Variants in GAMT observed in about 807,000 individuals in gnomAD.
GAMT encodes epididymis secretory protein Li 20.
In GAMT, 26 loss-of-function variants were observed where a neutral mutation model predicts 26.9. The observed-to-expected ratio is 0.97, with a 90% CI of 0.71 to 1.34. The LOEUF is 1.34. Ranked by LOEUF, GAMT falls within the 40% of genes most tolerant of loss-of-function variation. The pLI, the probability that GAMT is intolerant of heterozygous loss-of-function variation, is 0.00. For synonymous variants in GAMT, 169 were observed against 149.6 expected (o/e 1.13, Z -0.95); for missense variants, 412 against 345.0 (o/e 1.19, Z -1.54).
chr19:1,399,567 C>T lies in GAMT; in HGVS notation c.348G>A (p.Leu116=), dbSNP rs117884619. The T allele has an allele frequency of 1.3e-3, 2,107 of 1,613,158 alleles. 44 individuals are homozygous for T. The East Asian group carries it at 0.038, about 29-fold the overall frequency. Residue 116 remains leucine (L), a synonymous_variant, in exon 3 of 6, where the codon CTG becomes CTA. Transcript: ENST00000252288. The surrounding 1 kb of genome is among the most constrained non-coding windows in gnomAD (Gnocchi z 6.2). The part of the protein sequence containing the change: ...QTHKVIPLKG[L]WEDVAPTLPD... ...GCAGGGTGGGTGCCACATCCTCCCA[C>T]AGGCCTTTCAAGGGGATGACCTTGC...
chr19:1,399,223 T>C lies in GAMT; in HGVS notation c.392-28A>G. On this transcript the variant is annotated intron_variant, in intron 3 of 5. Coordinates refer to ENST00000252288, the MANE Select transcript of GAMT (RefSeq NM_000156.6). The surrounding 1 kb of genome is among the most constrained non-coding windows in gnomAD (Gnocchi z 6.2). Reference sequence around the variant, plus strand: ...GCACGGAGAACAGAAGCCCACGCGGTCAGGGCCGGGCTCAGCGCCTCACCC... The same window carrying C: ...GCACGGAGAACAGAAGCCCACGCGGCCAGGGCCGGGCTCAGCGCCTCACCC... The C allele has an allele frequency of 6.2e-7, 1 of 1,612,290 alleles. No individual in the cohort carries two copies. Among genetic ancestry groups the C allele is most frequent in the Non-Finnish European group, 8.5e-7 (1 of 1,179,322 alleles).
Position 1,399,318 on chromosome 19 carries a change from C to T in GAMT, c.392-123G>A, listed in dbSNP as rs1165996180. On this transcript the variant is annotated intron_variant, in intron 3 of 5. Transcript: ENST00000252288. This position sits in a 1 kb window ranked among gnomAD's most constrained non-coding sequence, Gnocchi z 6.2. ...CGGGGCCGTGGGTAGAGGTGGGGCTCCCACACAGGCTTGAGAACCCCGAGA... is the reference window on the plus strand; with the variant it reads ...CGGGGCCGTGGGTAGAGGTGGGGCTTCCACACAGGCTTGAGAACCCCGAGA... The T allele has an allele frequency of 8.4e-7, 1 of 1,187,608 alleles. No individual in the cohort carries two copies. The allele number at this position is 1,187,608 out of a possible 1,614,324, so 73.6% of individuals were successfully genotyped here. A position where few individuals can be genotyped will look rare whatever the true frequency, so the allele number is the denominator to read the frequency against.
chr19:1,400,153 AGGAGGGGGT>A (rs2082625773), intron 1 of GAMT, among the ~76,000 whole-genome samples: 1 of 38,298 alleles, frequency 2.6e-5, no homozygotes, highest in African/African-American at 1.0e-4. Context: ...GGCTGCCTGG[AGGAGGGGGT>A]GCGGGGCAGG....
chr19:1,401,168 C>T, intron 1 of GAMT, 128 bp downstream of exon 1: 3 of 834,356 alleles, frequency 3.6e-6, no homozygotes, highest in Non-Finnish European at 5.0e-6. Flanking sequence ...ACCTGCAGCC[C>T]CACTTCCCAG....
At chr19:1,397,955 G>T (rs907748422) in intron 5 of GAMT, 37 of 1,066,538 alleles carry the variant, frequency 3.5e-5, no homozygotes, top group Non-Finnish European at 3.4e-5. Context: ...AGGGAACAGC[G>T]AGACAAGCAC....
rs1291070367 is a variant in GAMT at position 1,399,776 on chromosome 19, T to C, written c.327+17A>G. The C allele has an allele frequency of 9.0e-6, 14 of 1,550,146 alleles. No homozygotes were observed. Among genetic ancestry groups the C allele is most frequent in the Non-Finnish European group, 1.2e-5 (14 of 1,147,578 alleles). Reference sequence around the variant, plus strand: ...CAAGGAGTGGGGGTCCTGGAGGGCCTGCGGGCAGAGGGGCACCTTGTGTGT... The same window carrying C: ...CAAGGAGTGGGGGTCCTGGAGGGCCCGCGGGCAGAGGGGCACCTTGTGTGT... On this transcript the variant is annotated intron_variant, in intron 2 of 5. Coordinates refer to ENST00000252288, the MANE Select transcript of GAMT (RefSeq NM_000156.6). This position sits in a 1 kb window ranked among gnomAD's most constrained non-coding sequence, Gnocchi z 6.2.
chr19:1,398,868 T>TCCAA (rs1298767114), intron 5 of GAMT, 48 bp downstream of exon 5: 1 of 1,608,284 alleles, frequency 6.2e-7, no homozygotes, highest in South Asian at 1.1e-5. Context: ...CCCACCCCCA[T>TCCAA]CCAAGGTCAC....
In GAMT at chr19:1,401,497, C is replaced by G. The variant is rs2082634200; in HGVS notation, c.-21G>C. On this transcript the variant is annotated 5_prime_UTR_variant, in exon 1 of 6. Coordinates refer to ENST00000252288, the MANE Select transcript of GAMT (RefSeq NM_000156.6). The stretch of plus-strand genomic sequence containing the variant: ...CTCATGCTGCAGGCTGGACGGCGAC[C>G]CGACCTCGATCGCGCGCCGCCCGGG... 6.9e-6 allele frequency: 9 copies of G among 1,299,766 alleles called. No homozygotes were observed. Among genetic ancestry groups the G allele is most frequent in the South Asian group, 2.2e-5 (1 of 45,734 alleles). 80.5% of individuals were successfully genotyped at this position (1,299,766 alleles called of 1,614,324 possible).
Position 1,399,007 on chromosome 19 carries a change from A to C in GAMT, c.479T>G (p.Leu160Arg). 10 of 1,613,478 alleles carry C rather than the reference A, an allele frequency of 6.2e-6. No homozygotes were observed. The highest frequency in any genetic ancestry group is 1.1e-5 in the South Asian group (1 of 91,084). Residue 160 changes from leucine to arginine, a missense_variant, in exon 5 of 6, where the codon CTG becomes CGG. Coordinates refer to ENST00000252288, the MANE Select transcript of GAMT (RefSeq NM_000156.6). The surrounding 1 kb of genome is among the most constrained non-coding windows in gnomAD (Gnocchi z 6.2). ...NFIKNHAFRL[L>R]KPGGVLTYCN... ...GTAGGTGAGGACGCCCCCCGGCTTC[A>C]GCAGGCGAAAGGCGTGGTTCTGTGG...
At chr19:1,400,589 T>TC (rs1220898023) in intron 1 of GAMT, among the ~76,000 whole-genome samples, 2 of 152,052 alleles carry the variant, frequency 1.3e-5, no homozygotes, top group African/African-American at 4.8e-5. Flanking sequence ...TACTTTTCTC[T>TC]CCCCCTCCCT....
chr19:1,397,027 T>C lies in GAMT; in HGVS notation c.*332A>G, dbSNP rs1013313069. 4 of 320,286 alleles carry C rather than the reference T, an allele frequency of 1.2e-5. No homozygotes were observed. The highest frequency in any genetic ancestry group is 2.4e-5 in the Non-Finnish European group (4 of 167,240). The allele number at this position is 320,286 out of a possible 1,614,324, so 19.8% of individuals were successfully genotyped here. On this transcript the variant is annotated 3_prime_UTR_variant, in exon 6 of 6. Transcript: ENST00000252288. ...AACCTGGAGGGGAGTCACCCACTTT[T>C]CCTGTGTCCATGGGATGGGCGGGAG...
In GAMT at chr19:1,397,253, C is replaced by T; in HGVS notation, c.*106G>A. 7.3e-7 allele frequency: 1 copy of T among 1,365,790 alleles called. No homozygotes were observed. Among genetic ancestry groups the T allele is most frequent in the East Asian group, 2.5e-5 (1 of 39,830 alleles). 84.6% of individuals were successfully genotyped at this position (1,365,790 alleles called of 1,614,324 possible). Reference sequence around the variant, plus strand: ...CCTCACAGAGAAGCCGGGAAAGCTTCTGGTGACACACAGCTGGGATCAGCC... The same window carrying T: ...CCTCACAGAGAAGCCGGGAAAGCTTTTGGTGACACACAGCTGGGATCAGCC... On this transcript the variant is annotated 3_prime_UTR_variant, in exon 6 of 6. Coordinates refer to ENST00000252288, the MANE Select transcript of GAMT (RefSeq NM_000156.6).
Position 1,397,735 on chromosome 19 carries a change from A to AC in GAMT, c.571-237dup, listed in dbSNP as rs1417984869. On this transcript the variant is annotated intron_variant, in intron 5 of 5. Transcript: ENST00000252288. ...GGAACCCCAGCCCCACACTCGAGCCACCCCCGGGCACCTACTCCACAGTTC... is the reference window on the plus strand; with the variant it reads ...GGAACCCCAGCCCCACACTCGAGCCACCCCCCGGGCACCTACTCCACAGTTC... 2.1e-6 allele frequency: 3 copies of AC among 1,406,426 alleles called. No individual in the cohort carries two copies. In the South Asian group the frequency reaches 4.5e-5, roughly 21 times the overall value. 87.1% of individuals were successfully genotyped at this position (1,406,426 alleles called of 1,614,324 possible). A position where few individuals can be genotyped will look rare whatever the true frequency, so the allele number is the denominator to read the frequency against.
Position 1,397,239 on chromosome 19 carries a change from A to G in GAMT, c.*120T>C. On this transcript the variant is annotated 3_prime_UTR_variant, in exon 6 of 6. Transcript: ENST00000252288. ...GGGCTGGTGGGACCCCTCACAGAGA[A>G]GCCGGGAAAGCTTCTGGTGACACAC... 4.0e-6 allele frequency: 5 copies of G among 1,241,772 alleles called. No homozygotes were observed. Among genetic ancestry groups the G allele is most frequent in the Non-Finnish European group, 2.2e-6 (2 of 893,078 alleles). 76.9% of individuals were successfully genotyped at this position (1,241,772 alleles called of 1,614,324 possible).
In GAMT at chr19:1,397,508, G is replaced by A. The variant is rs775582832; in HGVS notation, c.571-9C>T. ...GCGGGCACCTGCGTCTCCTGGTCGG[G>A]GATGGCACCAGGTCACCTCTGAGGG... On this transcript the variant is annotated splice_polypyrimidine_tract_variant and intron_variant, in intron 5 of 5. Transcript: ENST00000252288. The A allele has an allele frequency of 5.6e-6, 9 of 1,601,676 alleles. No individual in the cohort carries two copies. The highest frequency in any genetic ancestry group is 7.6e-6 in the Non-Finnish European group (9 of 1,179,786).
intron 1 of GAMT, 127 bp from the exon 2 acceptor site, chr19:1,400,065 G>A: frequency 8.7e-7 from 1 of 1,143,050 alleles, no homozygotes; most frequent in South Asian, 1.5e-5. Context: ...GCTGGGCTGG[G>A]GGTCTGCCTG....
rs2082608062 is a variant in GAMT at position 1,397,571 on chromosome 19, T to C, written c.571-72A>G. ...CGTGCACCCTGGCGCCCACCCCTCA[T>C]TGAAGAGTGTTTACAGATGGCAAGG... On this transcript the variant is annotated intron_variant, in intron 5 of 5. Coordinates refer to ENST00000252288, the MANE Select transcript of GAMT (RefSeq NM_000156.6). 3.8e-6 allele frequency: 6 copies of C among 1,585,162 alleles called. No individual in the cohort carries two copies. In the Admixed American group the frequency reaches 8.4e-5, roughly 22 times the overall value.
Position 1,401,276 on chromosome 19 carries a change from G to C in GAMT, c.181+20C>G, listed in dbSNP as rs747307760. 61 of 1,459,000 alleles carry C rather than the reference G, an allele frequency of 4.2e-5. No individual in the cohort carries two copies. Among genetic ancestry groups the C allele is most frequent in the Non-Finnish European group, 5.4e-5 (60 of 1,106,846 alleles). 90.4% of individuals were successfully genotyped at this position (1,459,000 alleles called of 1,614,324 possible). A position where few individuals can be genotyped will look rare whatever the true frequency, so the allele number is the denominator to read the frequency against. On this transcript the variant is annotated intron_variant, in intron 1 of 5. Transcript: ENST00000252288. ...TTTCCCCTGCGCCCCCGGGGGCGGT[G>C]CAGGCCGGGCGGGGGCTACCTTTGG...
rs774144200 is a variant in GAMT, at chr19:1,399,184, C to A, written c.403G>T (p.Asp135Tyr). ...PDGHFDGILY[D>Y]TYPLSEETWH... ...GTCTCCTCCGAGAGTGGGTACGTGT[C>A]GTACAGGATCCCTGCACGGAGAACA... The change falls in exon 4 of 6, where the codon GAC becomes TAC. Residue 135 changes from aspartate (D) to tyrosine (Y), a missense_variant. Transcript: ENST00000252288. The surrounding 1 kb of genome is among the most constrained non-coding windows in gnomAD (Gnocchi z 6.2). The A allele has an allele frequency of 1.2e-6, 2 of 1,613,480 alleles. No individual in the cohort carries two copies. The highest frequency in any genetic ancestry group is 1.1e-5 in the South Asian group (1 of 91,064).
Sources: allele counts gnomAD v4.1 joint callset (sites outside exome capture counted in the v4.1 genomes callset), GRCh38; gene constraint gnomAD v4.1.1; non-coding constraint Gnocchi (gnomAD v3.1); transcripts MANE v1.5; gene names NCBI Gene and HGNC (gene_info 2026-07-23, HGNC 2026-07-21).